PCDHA3: variants seen among roughly 807,000 people sequenced by gnomAD.
PCDHA3 encodes protocadherin alpha 3, also known as protocadherin alpha-3.
A neutral mutation model predicts 62.2 loss-of-function variants in PCDHA3; 41 were observed. The ratio of observed to expected loss-of-function variants is 0.66; its 90% CI spans 0.51 to 0.86. The LOEUF is 0.86. Ranked by LOEUF, PCDHA3 falls within the 40% of genes least tolerant of loss-of-function variation. The probability of loss-of-function intolerance (pLI) is 0.00; values close to 1 mark genes in which losing one functional copy is unlikely to be tolerated. For missense variants in PCDHA3, 1,304 were observed against 1,241.2 expected, an observed-to-expected ratio of 1.05 and a Z score of -0.76; for synonymous variants, 640 against 555.4, an observed-to-expected ratio of 1.15 and a Z score of -2.14.
Position 140,824,157 on chromosome 5 carries a change from TC to T in PCDHA3, c.2394+20569del, listed in dbSNP as rs2150132750. The T allele has an allele frequency of 1.9e-6, 3 of 1,611,546 alleles. No individual in the cohort carries two copies. In the Admixed American group the frequency reaches 5.0e-5, roughly 27 times the overall value. On this transcript the variant is annotated intron_variant, in intron 1 of 3. Transcript: ENST00000522353. ...GTTTTCTAATATTAACATCCATCTT[TC>T]CCTCCCAATTTTCAAATATTAAATG...
At chr5:140,927,753 C>T (rs1435866827) in intron 1 of PCDHA3, 3 of 1,614,078 alleles carry the variant, frequency 1.9e-6, no homozygotes, top group Non-Finnish European at 2.5e-6. Flanking sequence ...TTCACGTGCA[C>T]CCTAAAAGTG....
chr5:140,938,309 A>T (rs1379097876), intron 1 of PCDHA3, among the ~76,000 whole-genome samples: 1 of 152,216 alleles, frequency 6.6e-6, no homozygotes, highest in African/African-American at 2.4e-5. Flanking sequence ...AATTCAGTAT[A>T]AAATTGAATA....
Position 140,841,591 on chromosome 5 carries a change from C to A in PCDHA3, c.2394+38000C>A, listed in dbSNP as rs2150318680. On this transcript the variant is annotated intron_variant, in intron 1 of 3. Coordinates refer to ENST00000522353, the MANE Select transcript of PCDHA3 (RefSeq NM_018906.3). ...GCATTTTGTTTGTGAATTCTCGGAT[C>A]GACCGCGAGGAGCTGTGCGGGCGGA... The A allele has an allele frequency of 3.1e-6, 5 of 1,614,046 alleles. No individual in the cohort carries two copies. In the South Asian group the frequency reaches 5.5e-5, roughly 18 times the overall value.
intron 1 of PCDHA3, among the ~76,000 whole-genome samples, chr5:140,955,453 C>T (rs1372474602): frequency 6.6e-6 from 1 of 152,012 alleles, no homozygotes; most frequent in Admixed American, 6.6e-5. Context: ...TTTATAAGGG[C>T]TTTTTCCTTT....
intron 1 of PCDHA3, among the ~76,000 whole-genome samples, chr5:140,886,663 T>G (rs1164928390): frequency 6.6e-6 from 1 of 151,786 alleles, no homozygotes; most frequent in Non-Finnish European, 1.5e-5. Flanking sequence ...CTGTCTCTAC[T>G]AAAAATACAA....
chr5:140,972,152 A>AT (rs1203762947), intron 1 of PCDHA3, among the ~76,000 whole-genome samples: 3 of 151,770 alleles, frequency 2.0e-5, no homozygotes, highest in East Asian at 3.9e-4. Context: ...TTTTATTTTT[A>AT]TTTTTTTGAG....
chr5:140,870,555 G>A (rs1554164406), intron 1 of PCDHA3: 1 of 1,613,926 alleles, frequency 6.2e-7, no homozygotes, highest in Non-Finnish European at 8.5e-7. Context: ...CGGACGCGCA[G>A]GAGAACGCGC....
At chr5:140,830,464 A>T (rs2150186873) in intron 1 of PCDHA3, 1 of 1,576,848 alleles carries the variant, frequency 6.3e-7, no homozygotes, top group Non-Finnish European at 8.6e-7. Flanking sequence ...ATCAGGATTT[A>T]AATGAAGATC....
At chr5:140,959,883 C>T (rs535578218) in intron 1 of PCDHA3, among the ~76,000 whole-genome samples, 4 of 152,222 alleles carry the variant, frequency 2.6e-5, no homozygotes, top group South Asian at 2.1e-4. Flanking sequence ...AAGGAATACA[C>T]GAGTGGGATT....
intron 1 of PCDHA3, among the ~76,000 whole-genome samples, chr5:140,938,718 G>A (rs1186763511): frequency 5.3e-5 from 8 of 151,986 alleles, no homozygotes; most frequent in Non-Finnish European, 1.0e-4. Flanking sequence ...ATAGAAACGC[G>A]TTTCTACAGA....
chr5:140,887,251 C>G (rs2153419046), intron 1 of PCDHA3, among the ~76,000 whole-genome samples: 1 of 152,162 alleles, frequency 6.6e-6, no homozygotes. Context: ...CGCCCGCCAC[C>G]ACGCCCTGCT....
chr5:140,887,045 T>C (rs2061271952), intron 1 of PCDHA3, among the ~76,000 whole-genome samples: 1 of 152,108 alleles, frequency 6.6e-6, no homozygotes, highest in Non-Finnish European at 1.5e-5. Context: ...TTTTTTATAG[T>C]GCATATGTTC....
intron 1 of PCDHA3, chr5:140,828,046 T>C (rs1305424229): frequency 5.8e-6 from 9 of 1,542,498 alleles, no homozygotes; most frequent in Non-Finnish European, 7.0e-6. Flanking sequence ...TATTTTATCT[T>C]TATGCGGAAG....
At chr5:140,958,923 T>C (rs535689053) in intron 1 of PCDHA3, among the ~76,000 whole-genome samples, 1 of 148,814 alleles carries the variant, frequency 6.7e-6, no homozygotes, top group South Asian at 2.1e-4. Flanking sequence ...CTGGGTGTGG[T>C]GGCTCATACT....
intron 1 of PCDHA3, chr5:140,843,356 T>G (rs1228911692): frequency 1.3e-6 from 2 of 1,595,866 alleles, no homozygotes; most frequent in Non-Finnish European, 1.7e-6. Context: ...TCCAAAAGCG[T>G]CATCGAGGCA....
rs530240100 is a variant in PCDHA3 at position 140,875,788 on chromosome 5, C to T, written c.2394+72197C>T. 5 of 1,614,194 alleles carry T rather than the reference C, an allele frequency of 3.1e-6. No individual in the cohort carries two copies. In the Admixed American group the frequency reaches 5.0e-5, roughly 16 times the overall value. The stretch of plus-strand genomic sequence containing the variant: ...GCGGAGCGCGGAGTGCAGTATCCAC[C>T]TGGAGGTGATCGTGGACAGGCCGCT... On this transcript the variant is annotated intron_variant, in intron 1 of 3. Coordinates refer to ENST00000522353, the MANE Select transcript of PCDHA3 (RefSeq NM_018906.3).
intron 1 of PCDHA3, among the ~76,000 whole-genome samples, chr5:140,906,354 A>C (rs552915845): frequency 3.8e-4 from 58 of 152,336 alleles, no homozygotes; most frequent in South Asian, 1.7e-3. Context: ...GAATGCACCA[A>C]TTCCCAACCC....
intron 1 of PCDHA3, chr5:140,824,833 T>C (rs1016078970): frequency 2.0e-5 from 3 of 152,074 alleles, no homozygotes; most frequent in Admixed American, 6.5e-5. Context: ...ATTATTATTT[T>C]ATTACACTAA....
At chr5:140,840,195 GA>G (rs1173726690) in intron 1 of PCDHA3, among the ~76,000 whole-genome samples, 15 of 152,034 alleles carry the variant, frequency 9.9e-5, no homozygotes, top group African/African-American at 3.6e-4. Context: ...GTAGGCAAAG[GA>G]AAAGAAGTCA....
Sources: gnomAD v4.1 joint callset for allele counts (sites outside exome capture counted in the v4.1 genomes callset) on GRCh38, gnomAD v4.1.1 for gene constraint, MANE v1.5 for transcripts, NCBI Gene and HGNC (gene_info 2026-07-23, HGNC 2026-07-21) for gene names.